The following ATP6V1B1 variants were observed in gnomAD, a reference collection of about 807,000 sequenced individuals.
ATP6V1B1 encodes the protein ATPase H+ transporting V1 subunit B1.
A neutral mutation model predicts 62.1 loss-of-function variants in ATP6V1B1; 41 were observed. The observed-to-expected ratio is 0.66, with a 90% confidence interval of 0.51 to 0.86. The LOEUF (loss-of-function observed/expected upper bound fraction) is 0.86, where lower values mean the gene tolerates loss of function less well. Ranked by LOEUF, ATP6V1B1 falls within the 40% of genes least tolerant of loss-of-function variation. The pLI is 0.00. For synonymous variants in ATP6V1B1, 253 were observed against 273.4 expected (o/e 0.93, Z 0.74); for missense variants, 651 against 697.5 (o/e 0.93, Z 0.75).
Position 70,959,166 on chromosome 2 carries a change from C to A in ATP6V1B1, c.445+71C>A. 1 of 1,516,400 alleles carries A rather than the reference C, an allele frequency of 6.6e-7. No homozygotes were observed. The highest frequency in any genetic ancestry group is 9.1e-7 in the Non-Finnish European group (1 of 1,094,496). The allele number at this position is 1,516,400 out of a possible 1,614,324, so 93.9% of individuals were successfully genotyped here. A position where few individuals can be genotyped will look rare whatever the true frequency, so the allele number is the denominator to read the frequency against. On this transcript the variant is annotated intron_variant, in intron 5 of 13. Transcript: ENST00000234396. This position sits in a 1 kb window ranked among gnomAD's most constrained non-coding sequence, Gnocchi z 4.2. ...ACCTTCCCCACTCTTGGAAGTTCTGCCCAGACTCACAAGCAGATCAGATGT... is the reference window on the plus strand; with the variant it reads ...ACCTTCCCCACTCTTGGAAGTTCTGACCAGACTCACAAGCAGATCAGATGT...
At position 70,958,216 on chromosome 2, in the gene ATP6V1B1, A is replaced by G; in HGVS notation, c.273+72A>G. 2.5e-6 allele frequency: 4 copies of G among 1,593,692 alleles called. No homozygotes were observed. In the South Asian group the frequency reaches 4.4e-5, roughly 18 times the overall value. ...CCCATAAAGTTCCCACACTATCTAC[A>G]AACTCTGAAGGCAGGAAATGGTCTA... On this transcript the variant is annotated intron_variant, in intron 3 of 13. Coordinates refer to ENST00000234396, the MANE Select transcript of ATP6V1B1 (RefSeq NM_001692.4).
rs59195431 is a variant in ATP6V1B1, at chr2:70,938,492, CG to C, written c.118+2422del. On this transcript the variant is annotated intron_variant, in intron 1 of 13. Transcript: ENST00000234396. ...GGAGGCCCCAGTGCTCGCTGGGCCA[CG>C]GTGGAGGTGAGTCCAGGTGACTTAG... is the stretch of plus-strand genomic sequence containing the variant. 1.0e-3 allele frequency: 962 copies of C among 961,860 alleles called. 5 individuals carry two copies. In the African/African-American group the frequency reaches 0.015, roughly 15 times the overall value. 59.6% of individuals were successfully genotyped at this position (961,860 alleles called of 1,614,324 possible).
intron 1 of ATP6V1B1, among the ~76,000 whole-genome samples, chr2:70,936,742 T>C (rs2104796272): frequency 6.6e-6 from 1 of 152,254 alleles, no homozygotes; most frequent in Non-Finnish European, 1.5e-5. Flanking sequence ...TGTGCACTCA[T>C]GGAGAGAACA....
At chr2:70,958,958 C>T in intron 4 of ATP6V1B1, 60 bp from the exon 5 acceptor site, 2 of 1,522,566 alleles carry the variant, frequency 1.3e-6, no homozygotes, top group Non-Finnish European at 1.8e-6. Context: ...GGAGGGTAGA[C>T]AGTAGTGAGG....
chr2:70,956,876 T>C lies in ATP6V1B1; in HGVS notation c.175-1170T>C, dbSNP rs115755339. Among the ~76,000 whole-genome samples, 1,092 of 151,910 alleles carry C rather than the reference T, an allele frequency of 7.2e-3. 5 individuals are homozygous for C. Among genetic ancestry groups the C allele is most frequent in the South Asian group, 0.011 (55 of 4,808 alleles). On this transcript the variant is annotated intron_variant, in intron 2 of 13. Transcript: ENST00000234396. ...CTGGGATTACAGGCATGAACCACCT[T>C]GCCTGGCCTATCTTTTTTATTATAG...
chr2:70,950,142 C>T (rs1553418032), intron 2 of ATP6V1B1, among the ~76,000 whole-genome samples: 3 of 151,940 alleles, frequency 2.0e-5, no homozygotes, highest in Non-Finnish European at 4.4e-5. Flanking sequence ...TATAATAGTC[C>T]TATAAAATCT....
In ATP6V1B1 at chr2:70,949,214, C is replaced by T. The variant is rs146749419; in HGVS notation, c.174+5501C>T. 1.6e-3 allele frequency among the ~76,000 whole-genome samples: 251 copies of T among 152,146 alleles called. 1 individual carries two copies. The highest frequency in any genetic ancestry group is 0.014 in the Middle Eastern group (4 of 294). ...ACCTCGGGGTCAGTCCCTTGAGAGC[C>T]AAGGGACTGACAGTGGATCCACTGA... is the stretch of plus-strand genomic sequence containing the variant. On this transcript the variant is annotated intron_variant, in intron 2 of 13. Transcript: ENST00000234396.
intron 2 of ATP6V1B1, among the ~76,000 whole-genome samples, chr2:70,954,603 T>C (rs940554198): frequency 5.3e-5 from 8 of 152,208 alleles, no homozygotes; most frequent in Non-Finnish European, 1.2e-4. Context: ...TGTTGTCTTT[T>C]TACCATCAAT....
chr2:70,960,954 G>A lies in ATP6V1B1; in HGVS notation c.619G>A (p.Val207Met), dbSNP rs1553419953. The A allele has an allele frequency of 6.2e-7, 1 of 1,609,530 alleles. No individual in the cohort carries two copies. The highest frequency in any genetic ancestry group is 2.2e-5 in the East Asian group (1 of 44,652). ...AAQICRQAGL[V>M]KKSKAVLDYH... Reference sequence around the variant, plus strand: ...TCAGATCTGCCGCCAGGCGGGGCTGGTGAAGAAGTCCAAGGCTGTGCTGGA... The same window carrying A: ...TCAGATCTGCCGCCAGGCGGGGCTGATGAAGAAGTCCAAGGCTGTGCTGGA... Residue 207 changes from valine (V) to methionine (M), a missense_variant, in exon 7 of 14, where the codon GTG becomes ATG. Physicochemically the swap from Val to Met is conservative, Grantham distance 21. Coordinates refer to ENST00000234396, the MANE Select transcript of ATP6V1B1 (RefSeq NM_001692.4).
chr2:70,962,011 T>G (rs2104830167), intron 8 of ATP6V1B1, among the ~76,000 whole-genome samples: 1 of 55,056 alleles, frequency 1.8e-5, no homozygotes, highest in East Asian at 1.3e-3. Context: ...AAGATCAAAC[T>G]GCTATTATAA....
At chr2:70,945,740 A>G (rs1284250073) in intron 2 of ATP6V1B1, among the ~76,000 whole-genome samples, 3 of 131,452 alleles carry the variant, frequency 2.3e-5, no homozygotes, top group Non-Finnish European at 4.9e-5. Context: ...ATATATATAT[A>G]TAGTTGTTAA....
intron 2 of ATP6V1B1, among the ~76,000 whole-genome samples, chr2:70,952,965 G>GGTTT (rs200141211): frequency 2.0e-5 from 3 of 151,954 alleles, no homozygotes; most frequent in African/African-American, 4.8e-5. Context: ...TTTTCTGTAG[G>GGTTT]GTTTGTTTGT....
At chr2:70,940,347 C>A in intron 1 of ATP6V1B1, 3 of 929,256 alleles carry the variant, frequency 3.2e-6, no homozygotes, top group South Asian at 5.0e-5. Context: ...CACACCCCCA[C>A]CTCCCTATCC....
At chr2:70,937,953 C>A (rs1471987735) in intron 1 of ATP6V1B1, among the ~76,000 whole-genome samples, 2 of 152,112 alleles carry the variant, frequency 1.3e-5, no homozygotes, top group African/African-American at 4.8e-5. Context: ...ATGCTTCCCT[C>A]GATGCTGGCT....
Position 70,951,670 on chromosome 2 carries a change from C to T in ATP6V1B1, c.175-6376C>T, listed in dbSNP as rs146238071. On this transcript the variant is annotated intron_variant, in intron 2 of 13. Transcript: ENST00000234396. ...TGCCTGTAATCCCAGCACTTCAGGA[C>T]GCCGAGGCAGGCAGGTCAGGAGTTC... Among the ~76,000 whole-genome samples the T allele has an allele frequency of 5.9e-3, 894 of 151,952 alleles. 11 individuals carry two copies. The highest frequency in any genetic ancestry group is 0.02 in the African/African-American group (814 of 41,432).
chr2:70,961,472 G>C, intron 7 of ATP6V1B1, 124 bp from the exon 8 acceptor site: 1 of 1,018,660 alleles, frequency 9.8e-7, no homozygotes, highest in Non-Finnish European at 1.5e-6. Flanking sequence ...TGGCCTTGGT[G>C]TCTTCACCCC....
chr2:70,941,972 G>A, intron 1 of ATP6V1B1: 3 of 1,015,720 alleles, frequency 3.0e-6, no homozygotes, highest in Non-Finnish European at 3.5e-6. Context: ...AAAGCCAGCA[G>A]TGGGGGGCCA....
rs151126851 is a variant in ATP6V1B1 at position 70,959,477 on chromosome 2, G to A, written c.445+382G>A. On this transcript the variant is annotated intron_variant, in intron 5 of 13. Coordinates refer to ENST00000234396, the MANE Select transcript of ATP6V1B1 (RefSeq NM_001692.4). This position sits in a 1 kb window ranked among gnomAD's most constrained non-coding sequence, Gnocchi z 4.2. Reference sequence around the variant, plus strand: ...CACACTGGGAGGCCTGTGGGAGCCCGTGGCTTGCCCTACGCCACACAGAAA... The same window carrying A: ...CACACTGGGAGGCCTGTGGGAGCCCATGGCTTGCCCTACGCCACACAGAAA... Among the ~76,000 whole-genome samples, 464 of 152,316 alleles carry A rather than the reference G, an allele frequency of 3.0e-3. 6 individuals are homozygous for A. Among genetic ancestry groups the A allele is most frequent in the African/African-American group, 0.01 (435 of 41,572 alleles).
chr2:70,957,616 T>C (rs1170531376), intron 2 of ATP6V1B1, among the ~76,000 whole-genome samples: 2 of 152,124 alleles, frequency 1.3e-5, no homozygotes, highest in Non-Finnish European at 2.9e-5. Flanking sequence ...ACATCTTTAT[T>C]GAGGTTTTAC....
Sources: gnomAD v4.1 joint callset for allele counts (sites outside exome capture counted in the v4.1 genomes callset) on GRCh38, gnomAD v4.1.1 for gene constraint, Gnocchi (gnomAD v3.1) non-coding constraint, MANE v1.5 for transcripts, NCBI Gene and HGNC (gene_info 2026-07-23, HGNC 2026-07-21) for gene names.